Variants in TTBK2 observed in about 807,000 individuals in gnomAD.
TTBK2 encodes tau tubulin kinase 2, also known as tau-tubulin kinase 2.
Under a neutral mutation model 110.8 loss-of-function variants are expected in TTBK2, and 28 were observed. That is an observed-to-expected ratio of 0.25 (90% confidence interval 0.19 to 0.35). The LOEUF is 0.35. Among genes scored for constraint, TTBK2 ranks in the 10% least tolerant of loss-of-function variants. The probability of loss-of-function intolerance (pLI) is 1.00; values close to 1 mark genes in which losing one functional copy is unlikely to be tolerated. For synonymous variants in TTBK2, 532 were observed against 527.3 expected (o/e 1.01, Z -0.12); for missense variants, 1,369 against 1,500.3 (o/e 0.91, Z 1.45).
At chr15:42,799,109 C>G (rs1376825510) in intron 9 of TTBK2, among the ~76,000 whole-genome samples, 4 of 152,064 alleles carry the variant, frequency 2.6e-5, no homozygotes, top group Non-Finnish European at 5.9e-5. Context: ...GTGGCTCAGG[C>G]CTGTTATTCT....
At chr15:42,845,847 A>G (rs1893435949) in intron 3 of TTBK2, among the ~76,000 whole-genome samples, 1 of 152,134 alleles carries the variant, frequency 6.6e-6, no homozygotes. Context: ...CCTATATGGT[A>G]CAGCCTATTG....
chr15:42,875,869 G>A (rs1894798453), intron 2 of TTBK2, among the ~76,000 whole-genome samples: 2 of 135,988 alleles, frequency 1.5e-5, no homozygotes, highest in Admixed American at 1.6e-4. Context: ...TCACGCCTCT[G>A]CACTCCAGCC....
chr15:42,876,101 C>A (rs1894811483), intron 2 of TTBK2, among the ~76,000 whole-genome samples: 2 of 151,936 alleles, frequency 1.3e-5, no homozygotes, highest in African/African-American at 4.8e-5. Context: ...TTCCTAGTGC[C>A]ACATGGTTAA....
At chr15:42,821,570 C>T (rs1381151310) in intron 6 of TTBK2, among the ~76,000 whole-genome samples, 1 of 152,176 alleles carries the variant, frequency 6.6e-6, no homozygotes, top group Non-Finnish European at 1.5e-5. Context: ...CCCTCCCACC[C>T]CTAGTCTCTG....
intron 1 of TTBK2, among the ~76,000 whole-genome samples, chr15:42,891,581 G>T (rs1226670619): frequency 6.6e-6 from 1 of 152,058 alleles, no homozygotes; most frequent in Non-Finnish European, 1.5e-5. Context: ...CCTGGTTGGT[G>T]AACATACTGA....
chr15:42,801,695 G>A (rs374998518), intron 9 of TTBK2: 47 of 887,066 alleles, frequency 5.3e-5, no homozygotes, highest in African/African-American at 2.0e-4. Flanking sequence ...AGATGTATCC[G>A]AGATCTGGGA....
At position 42,746,133 on chromosome 15, in the gene TTBK2, A is replaced by T; in HGVS notation, c.3397T>A (p.Ser1133Thr). ...RSTTQCKSPG[S>T]PHNPKTPPKS... ...GGTGGTGTTTTTGGATTGTGAGGAG[A>T]TCCTGGACTCTTGCACTGAGTAGTG... Residue 1133 changes from serine (S) to threonine (T), a missense_variant, in exon 15 of 15, where the codon TCT becomes ACT. By Grantham distance (58) the Ser-to-Thr change is moderately conservative. Around this residue, in one of 4 missense-constraint regions of TTBK2, gnomAD observed 1,097 missense variants for 1,114.7 expected, o/e 0.98. Coordinates refer to ENST00000267890, the MANE Select transcript of TTBK2 (RefSeq NM_173500.4). 2 of 1,613,844 alleles carry T rather than the reference A, an allele frequency of 1.2e-6. No homozygotes were observed. Among genetic ancestry groups the T allele is most frequent in the Non-Finnish European group, 1.7e-6 (2 of 1,179,952 alleles).
At chr15:42,893,701 C>T (rs1307923180) in intron 1 of TTBK2, among the ~76,000 whole-genome samples, 1 of 151,204 alleles carries the variant, frequency 6.6e-6, no homozygotes, top group African/African-American at 2.4e-5. Context: ...AAAGCCAGCT[C>T]TTTATAAAGA....
intron 6 of TTBK2, among the ~76,000 whole-genome samples, chr15:42,822,993 T>C (rs1892369935): frequency 6.6e-6 from 1 of 152,052 alleles, no homozygotes; most frequent in African/African-American, 2.4e-5. Flanking sequence ...AGGGAAAGGA[T>C]CAGGGGAAAA....
chr15:42,748,573 A>G (rs1360442173), intron 14 of TTBK2, among the ~76,000 whole-genome samples: 1 of 152,018 alleles, frequency 6.6e-6, no homozygotes, highest in East Asian at 1.9e-4. Flanking sequence ...GCTGTGTAGC[A>G]CCCGTGCCTG....
intron 13 of TTBK2, among the ~76,000 whole-genome samples, chr15:42,756,761 G>T (rs2061952718): frequency 6.6e-6 from 1 of 151,918 alleles, no homozygotes; most frequent in South Asian, 2.1e-4. Context: ...ACCCAAGCAT[G>T]GTGGCCTGTA....
At chr15:42,763,400 C>A (rs1326042237) in intron 13 of TTBK2, among the ~76,000 whole-genome samples, 2 of 149,036 alleles carry the variant, frequency 1.3e-5, no homozygotes, top group African/African-American at 5.0e-5. Context: ...TTTTAGTAGA[C>A]ACAGCGTTTC....
chr15:42,815,952 A>ATATATATATATATATATATAT (rs1328435730), intron 7 of TTBK2, among the ~76,000 whole-genome samples: 3 of 33,416 alleles, frequency 9.0e-5, no homozygotes, highest in African/African-American at 5.9e-4. Flanking sequence ...ATATATTTAA[A>ATATATATATATATATATATAT]AAAAAAATAT....
intron 1 of TTBK2, among the ~76,000 whole-genome samples, chr15:42,911,943 G>A (rs542588782): frequency 7.0e-6 from 1 of 142,652 alleles, no homozygotes; most frequent in East Asian, 2.0e-4. Flanking sequence ...TAACACTAAC[G>A]ATAGCTGATG....
chr15:42,815,958 A>ATATATATATATAT lies in TTBK2; in HGVS notation c.603+1073_603+1074insATATATATATATA, dbSNP rs1555427627. On this transcript the variant is annotated intron_variant, in intron 7 of 14. Coordinates refer to ENST00000267890, the MANE Select transcript of TTBK2 (RefSeq NM_173500.4). ...TATATATATATATATTTAAAAAAAA[A>ATATATATATATAT]ATATATATATATATATATATTTGAG... 9.3e-3 allele frequency among the ~76,000 whole-genome samples: 855 copies of ATATATATATATAT among 91,648 alleles called. 18 individuals carry two copies. The highest frequency in any genetic ancestry group is 0.012 in the Non-Finnish European group (659 of 53,604). 60.1% of individuals were successfully genotyped at this position (91,648 alleles called of 152,430 possible).
chr15:42,893,935 T>C (rs151245480), intron 1 of TTBK2, among the ~76,000 whole-genome samples: 1 of 152,284 alleles, frequency 6.6e-6, no homozygotes, highest in East Asian at 1.9e-4. Context: ...TTAATAGTCC[T>C]ACTAAAAAAA....
intron 14 of TTBK2, among the ~76,000 whole-genome samples, chr15:42,751,101 G>A (rs1444129314): frequency 6.6e-6 from 1 of 152,106 alleles, no homozygotes; most frequent in Non-Finnish European, 1.5e-5. Context: ...TGAAATGAAA[G>A]GGCGCCACAC....
chr15:42,915,850 G>C (rs2031052908), intron 1 of TTBK2, among the ~76,000 whole-genome samples: 1 of 152,060 alleles, frequency 6.6e-6, no homozygotes, highest in Non-Finnish European at 1.5e-5. Flanking sequence ...AGGAGGCTAA[G>C]GGGGGAGGAC....
chr15:42,825,411 T>A (rs193066218), intron 6 of TTBK2, among the ~76,000 whole-genome samples: 12 of 152,294 alleles, frequency 7.9e-5, no homozygotes, highest in African/African-American at 2.2e-4. Flanking sequence ...GAATTTAAAA[T>A]TCAGTTCCTG....
Sources: gnomAD v4.1 joint callset for allele counts (sites outside exome capture counted in the v4.1 genomes callset) on GRCh38, gnomAD v4.1.1 for gene constraint, gnomAD v4.1.1 regional missense constraint, MANE v1.5 for transcripts, NCBI Gene and HGNC (gene_info 2026-07-23, HGNC 2026-07-21) for gene names.